STX7: variants seen among roughly 807,000 people sequenced by gnomAD.
The protein encoded by STX7 is syntaxin 7.
A neutral mutation model predicts 39.6 loss-of-function variants in STX7; 34 were observed. That is an observed-to-expected ratio of 0.86 (90% CI 0.65 to 1.14). The LOEUF (loss-of-function observed/expected upper bound fraction) is 1.14. STX7 is among the 50% of genes most tolerant of loss of function. The pLI is 0.00. For synonymous variants in STX7, 119 were observed against 99.1 expected, an observed-to-expected ratio of 1.20 and a Z score of -1.19; for missense variants, 284 against 310.4, an observed-to-expected ratio of 0.92 and a Z score of 0.64.
chr6:132,510,066 T>A (rs1031232282), intron 1 of STX7, among the ~76,000 whole-genome samples: 1 of 152,184 alleles, frequency 6.6e-6, no homozygotes, highest in African/African-American at 2.4e-5. Flanking sequence ...TAGTGGTTAC[T>A]AGAAGCAGAG....
At chr6:132,465,013 A>C (rs1330976904) in intron 8 of STX7, among the ~76,000 whole-genome samples, 2 of 152,066 alleles carry the variant, frequency 1.3e-5, no homozygotes, top group Non-Finnish European at 2.9e-5. Context: ...ACATCTATCA[A>C]TCGCATGGCC....
chr6:132,501,290 G>A (rs539404794), intron 2 of STX7, among the ~76,000 whole-genome samples: 76 of 152,204 alleles, frequency 5.0e-4, no homozygotes, highest in African/African-American at 1.6e-3. Context: ...CTGACCTCCC[G>A]TGATCTGCCT....
Position 132,459,067 on chromosome 6 carries a change from G to C in STX7, c.*1691C>G, listed in dbSNP as rs539903790. The C allele has an allele frequency of 6.6e-6, 1 of 152,286 alleles. No homozygotes were observed. The highest frequency in any genetic ancestry group is 2.1e-4 in the South Asian group (1 of 4,820). The allele number at this position is 152,286 out of a possible 1,614,324, so 9.4% of individuals were successfully genotyped here. On this transcript the variant is annotated 3_prime_UTR_variant, in exon 10 of 10. Transcript: ENST00000367941. ...GCGGTAAGACGCTGGTTTATCACCA[G>C]AAACCTCATGTGCCTCTGTGCACTT...
rs369562473 is a variant in STX7, at chr6:132,503,499, G to C, written c.32C>G (p.Pro11Arg). 6.2e-7 allele frequency: 1 copy of C among 1,614,014 alleles called. No homozygotes were observed. The highest frequency in any genetic ancestry group is 1.3e-5 in the African/African-American group (1 of 75,014). Residue 11 changes from proline (P) to arginine (R), a missense_variant, in exon 2 of 10, where the codon CCC (proline) becomes CGC (arginine). By Grantham distance (103) the Pro-to-Arg change is moderately radical. Transcript: ENST00000367941. MSYTPGVGGDPAQLAQRISSN... is the reference protein window; with the variant it reads MSYTPGVGGDRAQLAQRISSN... ...AGAGATCCTCTGGGCCAACTGGGCG[G>C]GGTCACCACCAACTCCTGGAGTGTA... is the stretch of plus-strand genomic sequence containing the variant.
In STX7 at chr6:132,470,067, G is replaced by A. The variant is rs780073324; in HGVS notation, c.441-20C>T. The A allele has an allele frequency of 5.2e-6, 8 of 1,551,778 alleles. No individual in the cohort carries two copies. The highest frequency in any genetic ancestry group is 1.2e-5 in the South Asian group (1 of 81,218). ...GTTTGGCTAACAGAAAAAAATGAAT[G>A]TGGAAAAAAACAAAGATTGGTATTC... On this transcript the variant is annotated intron_variant, in intron 6 of 9. Coordinates refer to ENST00000367941, the MANE Select transcript of STX7 (RefSeq NM_003569.3).
chr6:132,480,853 A>G (rs1774998934), intron 2 of STX7, among the ~76,000 whole-genome samples: 1 of 152,208 alleles, frequency 6.6e-6, no homozygotes, highest in Non-Finnish European at 1.5e-5. Flanking sequence ...AGCACCTGCC[A>G]GTATTCTTTT....
chr6:132,500,959 C>T (rs1775543642), intron 2 of STX7, among the ~76,000 whole-genome samples: 1 of 152,152 alleles, frequency 6.6e-6, no homozygotes, highest in Admixed American at 6.5e-5. Flanking sequence ...TTTGTGGAGG[C>T]CCCTATGTTC....
intron 2 of STX7, among the ~76,000 whole-genome samples, chr6:132,482,592 G>A (rs949741476): frequency 1.3e-5 from 2 of 152,152 alleles, no homozygotes; most frequent in Non-Finnish European, 2.9e-5. Context: ...AGTAAAAGAT[G>A]TTAAAACACA....
chr6:132,494,436 A>T (rs1033102696), intron 2 of STX7, among the ~76,000 whole-genome samples: 2 of 152,228 alleles, frequency 1.3e-5, no homozygotes, highest in Admixed American at 6.5e-5. Context: ...TATAAAAACA[A>T]AACAGGTTAA....
rs560416418 is a variant in STX7, at chr6:132,451,033, C to G, written c.*9725G>C. 1 of 151,192 alleles carries G rather than the reference C, an allele frequency of 6.6e-6. No homozygotes were observed. The highest frequency in any genetic ancestry group is 2.4e-5 in the African/African-American group (1 of 41,258). The allele number at this position is 151,192 out of a possible 1,614,324, so 9.4% of individuals were successfully genotyped here. On this transcript the variant is annotated 3_prime_UTR_variant, in exon 10 of 10. Coordinates refer to ENST00000367941, the MANE Select transcript of STX7 (RefSeq NM_003569.3). Reference sequence around the variant, plus strand: ...AGAAAAAGAAAAAAGACAAATGACACCTATCTATAGGGACCAAAACAATTT... The same window carrying G: ...AGAAAAAGAAAAAAGACAAATGACAGCTATCTATAGGGACCAAAACAATTT...
intron 2 of STX7, among the ~76,000 whole-genome samples, chr6:132,476,434 C>T (rs1324654879): frequency 1.3e-5 from 2 of 151,800 alleles, no homozygotes; most frequent in East Asian, 3.9e-4. Context: ...CATTTAAAGA[C>T]GTCAATGTCA....
chr6:132,476,486 T>C (rs970400878), intron 2 of STX7, among the ~76,000 whole-genome samples: 1 of 152,134 alleles, frequency 6.6e-6, no homozygotes, highest in African/African-American at 2.4e-5. Flanking sequence ...AGGTGCTTTC[T>C]AAATTAAGGA....
intron 2 of STX7, among the ~76,000 whole-genome samples, chr6:132,492,812 T>A (rs1181688502): frequency 2.6e-5 from 4 of 152,130 alleles, no homozygotes; most frequent in Non-Finnish European, 5.9e-5. Flanking sequence ...AAAATAGTTT[T>A]AAAATACTAG....
In STX7 at chr6:132,452,874, A is replaced by G. The variant is rs1441446493; in HGVS notation, c.*7884T>C. 6.6e-6 allele frequency: 1 copy of G among 152,168 alleles called. No individual in the cohort carries two copies. Among genetic ancestry groups the G allele is most frequent in the East Asian group, 1.9e-4 (1 of 5,200 alleles). The allele number at this position is 152,168 out of a possible 1,614,324, so 9.4% of individuals were successfully genotyped here. A position where few individuals can be genotyped will look rare whatever the true frequency, so the allele number is the denominator to read the frequency against. On this transcript the variant is annotated 3_prime_UTR_variant, in exon 10 of 10. Transcript: ENST00000367941. ...TAAGATATTTGAATAGATACAGACA[A>G]GATTATTCCAAAGTTTATACGGGAA...
rs879325409 is a variant in STX7 at position 132,451,237 on chromosome 6, C to A, written c.*9521G>T. ...TCAGCTTCCCAAATGGCTGGGATTA[C>A]AGATGTGCACCACCATGCCGGCTAA... On this transcript the variant is annotated 3_prime_UTR_variant, in exon 10 of 10. Transcript: ENST00000367941. The A allele has an allele frequency of 5.9e-5, 9 of 152,010 alleles. No homozygotes were observed. Among genetic ancestry groups the A allele is most frequent in the African/African-American group, 2.2e-4 (9 of 41,350 alleles). 9.4% of individuals were successfully genotyped at this position (152,010 alleles called of 1,614,324 possible). A position where few individuals can be genotyped will look rare whatever the true frequency, so the allele number is the denominator to read the frequency against.
chr6:132,482,560 T>C (rs1317523274), intron 2 of STX7, among the ~76,000 whole-genome samples: 1 of 152,230 alleles, frequency 6.6e-6, no homozygotes, highest in Non-Finnish European at 1.5e-5. Flanking sequence ...AAAACTTTTT[T>C]CAATGTGCTA....
rs145765637 is a variant in STX7, at chr6:132,506,129, T to A, written c.-58-2541A>T. 7.3e-5 allele frequency among the ~76,000 whole-genome samples: 11 copies of A among 151,246 alleles called. No individual in the cohort carries two copies. The East Asian group carries it at 1.9e-3, about 27-fold the overall frequency. ...GGATTAAAGACTTAAAAGTAATACC[T>A]AAAACGATTAAAATACTAAAAGAAA... On this transcript the variant is annotated intron_variant, in intron 1 of 9. Transcript: ENST00000367941.
chr6:132,495,422 G>C (rs1452443638), intron 2 of STX7, among the ~76,000 whole-genome samples: 1 of 152,176 alleles, frequency 6.6e-6, no homozygotes, highest in East Asian at 1.9e-4. Context: ...CACATTTTCA[G>C]ATGTGCAATC....
rs1371984109 is a variant in STX7 at position 132,448,222 on chromosome 6, CTTT to C, written c.*12533_*12535del. Reference sequence around the variant, plus strand: ...ATGTTGCTAGTATTTTAATTACGCTCTTTTTTACTCCACAGAGTAAATACTTCT... The same window carrying C: ...ATGTTGCTAGTATTTTAATTACGCTCTTTACTCCACAGAGTAAATACTTCT... On this transcript the variant is annotated 3_prime_UTR_variant, in exon 10 of 10. Coordinates refer to ENST00000367941, the MANE Select transcript of STX7 (RefSeq NM_003569.3). 6.6e-6 allele frequency: 1 copy of C among 152,222 alleles called. No homozygotes were observed. The highest frequency in any genetic ancestry group is 6.5e-5 in the Admixed American group (1 of 15,284). 9.4% of individuals were successfully genotyped at this position (152,222 alleles called of 1,614,324 possible). A position where few individuals can be genotyped will look rare whatever the true frequency, so the allele number is the denominator to read the frequency against.
Sources: gnomAD v4.1 joint callset for allele counts (sites outside exome capture counted in the v4.1 genomes callset) on GRCh38, gnomAD v4.1.1 for gene constraint, MANE v1.5 for transcripts, NCBI Gene and HGNC (gene_info 2026-07-23, HGNC 2026-07-21) for gene names.